TTC28: variants seen among roughly 807,000 people sequenced by gnomAD.
The protein encoded by TTC28 is tetratricopeptide repeat domain 28, also known as tetratricopeptide repeat protein 28.
Under a neutral mutation model 198.0 loss-of-function variants are expected in TTC28, and 61 were observed. The observed-to-expected ratio is 0.31, with a 90% CI of 0.25 to 0.38. TTC28 has a LOEUF of 0.38. Among genes scored for constraint, TTC28 ranks in the 10% least tolerant of loss-of-function variants. The pLI is 1.00. For synonymous variants in TTC28, 1,171 were observed against 1,297.8 expected, an observed-to-expected ratio of 0.90 and a Z score of 2.10; for missense variants, 2,678 against 3,164.0, an observed-to-expected ratio of 0.85 and a Z score of 3.69.
intron 15 of TTC28, chr22:28,000,178 G>A (rs1411074128): frequency 3.3e-5 from 5 of 152,196 alleles, no homozygotes; most frequent in Non-Finnish European, 7.3e-5. Flanking sequence ...ATGGAAACTT[G>A]AGAGACCTAG....
At chr22:28,426,870 T>C (rs2047358606) in intron 2 of TTC28, among the ~76,000 whole-genome samples, 1 of 152,170 alleles carries the variant, frequency 6.6e-6, no homozygotes. Context: ...TCTACTACAG[T>C]TCACACTATC....
intron 3 of TTC28, among the ~76,000 whole-genome samples, chr22:28,303,118 A>C (rs943312780): frequency 2.6e-5 from 4 of 152,216 alleles, no homozygotes; most frequent in Non-Finnish European, 5.9e-5. Context: ...GAGAGACAAT[A>C]TACACAAAAG....
intron 2 of TTC28, among the ~76,000 whole-genome samples, chr22:28,572,511 G>A (rs542381974): frequency 1.3e-5 from 2 of 152,146 alleles, no homozygotes; most frequent in South Asian, 4.2e-4. Flanking sequence ...ATTAAACATG[G>A]CCCTGACCTA....
chr22:28,442,521 G>A (rs1168313584), intron 2 of TTC28, among the ~76,000 whole-genome samples: 3 of 152,228 alleles, frequency 2.0e-5, no homozygotes, highest in Non-Finnish European at 4.4e-5. Context: ...CAGGGGTGCA[G>A]CCTCAAATCC....
At chr22:28,482,827 T>C (rs1252041494) in intron 2 of TTC28, among the ~76,000 whole-genome samples, 4 of 152,190 alleles carry the variant, frequency 2.6e-5, no homozygotes, top group Non-Finnish European at 5.9e-5. Flanking sequence ...TCATACAATA[T>C]GTGACCTTTT....
At position 28,005,768 on chromosome 22, in the gene TTC28, C is replaced by G. The variant is rs138659; in HGVS notation, c.4219-4215G>C. Among the ~76,000 whole-genome samples the G allele has an allele frequency of 2.4e-3, 360 of 152,316 alleles. No individual in the cohort carries two copies. The highest frequency in any genetic ancestry group is 4.2e-3 in the Non-Finnish European group (285 of 68,008). On this transcript the variant is annotated intron_variant, in intron 14 of 22. Transcript: ENST00000397906. This position sits in a 1 kb window ranked among gnomAD's most constrained non-coding sequence, Gnocchi z 4.9. ...GGAAGCTGATGGCTGCTCTCCTGCC[C>G]ACACTCAGGGGGCTAGCGCTTGCCA...
At chr22:28,504,555 G>T (rs1467048344) in intron 2 of TTC28, among the ~76,000 whole-genome samples, 3 of 152,108 alleles carry the variant, frequency 2.0e-5, no homozygotes, top group Non-Finnish European at 4.4e-5. Context: ...GCTGTTTGAA[G>T]CCATGGCCAA....
intron 13 of TTC28, 58 bp from the exon 14 acceptor site, chr22:28,014,450 C>T (rs1312828982): frequency 1.5e-5 from 23 of 1,485,868 alleles, no homozygotes; most frequent in Non-Finnish European, 2.1e-5. Context: ...AAAGACTCAC[C>T]CTGGCCCTCC....
intron 5 of TTC28, among the ~76,000 whole-genome samples, chr22:28,208,286 A>G (rs1011406983): frequency 2.0e-5 from 3 of 152,310 alleles, no homozygotes; most frequent in Non-Finnish European, 2.9e-5. Flanking sequence ...TTCAGACCTC[A>G]TTATCACACT....
chr22:28,409,074 C>T (rs2047041807), intron 2 of TTC28, among the ~76,000 whole-genome samples: 1 of 152,184 alleles, frequency 6.6e-6, no homozygotes, highest in Admixed American at 6.5e-5. Flanking sequence ...TAATGTTATA[C>T]AATATCCACC....
At chr22:28,212,427 A>G (rs548427393) in intron 5 of TTC28, among the ~76,000 whole-genome samples, 9 of 138,112 alleles carry the variant, frequency 6.5e-5, no homozygotes, top group African/African-American at 2.2e-4. Flanking sequence ...AGATGCAACA[A>G]AAAATAATAA....
At chr22:28,563,365 A>G (rs1272428333) in intron 2 of TTC28, among the ~76,000 whole-genome samples, 1 of 152,240 alleles carries the variant, frequency 6.6e-6, no homozygotes, top group Non-Finnish European at 1.5e-5. Context: ...AAAGTCTTCT[A>G]AATTTCTTGG....
chr22:28,004,916 TG>T (rs1345511254), intron 14 of TTC28, among the ~76,000 whole-genome samples: 1 of 152,216 alleles, frequency 6.6e-6, no homozygotes, highest in African/African-American at 2.4e-5. Context: ...ATTCAGCACC[TG>T]GGCCTGTCAG....
chr22:28,341,277 A>G (rs2045823960), intron 2 of TTC28, among the ~76,000 whole-genome samples: 1 of 152,226 alleles, frequency 6.6e-6, no homozygotes, highest in African/African-American at 2.4e-5. Context: ...AACATGGGTA[A>G]ATGTCTTGTT....
At chr22:28,651,142 T>C (rs1483435574) in intron 1 of TTC28, among the ~76,000 whole-genome samples, 1 of 152,160 alleles carries the variant, frequency 6.6e-6, no homozygotes, top group Non-Finnish European at 1.5e-5. Context: ...CAGTTGCCAA[T>C]ATGTACTTTC....
intron 1 of TTC28, among the ~76,000 whole-genome samples, chr22:28,630,810 A>ATATTTG (rs1262481519): frequency 1.3e-5 from 2 of 152,224 alleles, no homozygotes; most frequent in East Asian, 1.9e-4. Context: ...ACATACATGT[A>ATATTTG]TATTTGTATT....
At chr22:28,635,150 T>A (rs1227823665) in intron 1 of TTC28, among the ~76,000 whole-genome samples, 3 of 151,916 alleles carry the variant, frequency 2.0e-5, no homozygotes, top group Admixed American at 6.6e-5. Context: ...TGAAACCCCA[T>A]CTCTACTAAA....
intron 5 of TTC28, among the ~76,000 whole-genome samples, chr22:28,221,521 A>T (rs752675738): frequency 2.3e-4 from 35 of 152,206 alleles, no homozygotes; most frequent in Non-Finnish European, 4.6e-4. Context: ...TGCTTAGGAC[A>T]CTGGGTAGAT....
intron 6 of TTC28, among the ~76,000 whole-genome samples, chr22:28,154,149 G>A (rs116106825): frequency 2.9e-3 from 443 of 152,270 alleles, no homozygotes; most frequent in African/African-American, 0.01. Flanking sequence ...GGTTTTCAGT[G>A]TGAGAGGACT....
Sources: allele counts gnomAD v4.1 joint callset (sites outside exome capture counted in the v4.1 genomes callset), GRCh38; gene constraint gnomAD v4.1.1; non-coding constraint Gnocchi (gnomAD v3.1); transcripts MANE v1.5; gene names NCBI Gene and HGNC (gene_info 2026-07-23, HGNC 2026-07-21).